Variants in SRP9 observed in about 807,000 individuals in gnomAD.
SRP9 encodes signal recognition particle 9 kDa protein.
SRP9 carries 2 observed loss-of-function variants against 11.7 expected under a neutral mutation model. That is an observed-to-expected ratio of 0.17 (90% CI 0.07 to 0.54). The LOEUF (loss-of-function observed/expected upper bound fraction) is 0.54, where lower values mean the gene tolerates loss of function less well. Ranked by LOEUF, SRP9 falls within the 20% of genes least tolerant of loss-of-function variation. The pLI is 0.94. For synonymous variants in SRP9, 27 were observed against 35.6 expected (o/e 0.76, Z 0.86); for missense variants, 54 against 108.1 (o/e 0.50, Z 2.22).
intron 1 of SRP9, 119 bp from the exon 2 acceptor site, chr1:225,783,181 C>T: frequency 1.5e-6 from 1 of 662,624 alleles, no homozygotes; most frequent in Non-Finnish European, 2.5e-6. Flanking sequence ...GTAAAAATGC[C>T]TTTAGATGTT....
chr1:225,787,099 C>T (rs1665933293), intron 2 of SRP9: 1 of 279,530 alleles, frequency 3.6e-6, no homozygotes, highest in African/African-American at 2.3e-5. Flanking sequence ...CTGCCTTAGC[C>T]TCCCAAACCA....
intron 2 of SRP9, among the ~76,000 whole-genome samples, chr1:225,788,566 C>T (rs1328679351): frequency 6.6e-6 from 1 of 152,066 alleles, no homozygotes; most frequent in African/African-American, 2.4e-5. Flanking sequence ...CAGGCACACG[C>T]CACCACGCCC....
At chr1:225,781,421 C>G (rs1358189642) in intron 1 of SRP9, among the ~76,000 whole-genome samples, 1 of 60,330 alleles carries the variant, frequency 1.7e-5, no homozygotes, top group Non-Finnish European at 3.1e-5. Flanking sequence ...TTTTTTGAGA[C>G]AGAGTTTTGC....
intron 2 of SRP9, 130 bp from the exon 3 acceptor site, chr1:225,789,110 A>G: frequency 6.4e-7 from 1 of 1,551,452 alleles, no homozygotes; most frequent in South Asian, 1.2e-5. Context: ...TTTCCCTAGT[A>G]CGACCTCCAA....
Position 225,777,842 on chromosome 1 carries a change from T to C in SRP9, c.-99T>C, listed in dbSNP as rs1270494826. The C allele has an allele frequency of 3.3e-6, 4 of 1,212,648 alleles. No individual in the cohort carries two copies. Among genetic ancestry groups the C allele is most frequent in the Admixed American group, 1.9e-5 (1 of 51,472 alleles). 75.1% of individuals were successfully genotyped at this position (1,212,648 alleles called of 1,614,324 possible). A position where few individuals can be genotyped will look rare whatever the true frequency, so the allele number is the denominator to read the frequency against. ...CGAGGAGGCGCCGCCATCTTGGGGC[T>C]GCTGGGACTCGCGTCGGTTGGCGAC... On this transcript the variant is annotated 5_prime_UTR_variant, in exon 1 of 3. Coordinates refer to ENST00000304786, the MANE Select transcript of SRP9 (RefSeq NM_003133.6).
chr1:225,787,110 C>T (rs1480495611), intron 2 of SRP9: 1 of 276,166 alleles, frequency 3.6e-6, no homozygotes, highest in African/African-American at 2.3e-5. Flanking sequence ...TCCCAAACCA[C>T]TGGGATTATG....
In SRP9 at chr1:225,783,516, G is replaced by C. The variant is rs117901108; in HGVS notation, c.141+148G>C. 405 of 639,960 alleles carry C rather than the reference G, an allele frequency of 6.3e-4. 4 individuals are homozygous for C. The East Asian group carries it at 0.011, about 17-fold the overall frequency. The allele number at this position is 639,960 out of a possible 1,614,324, so 39.6% of individuals were successfully genotyped here. Reference sequence around the variant, plus strand: ...AAAGATGAAGAACCTCATTCTAGCAGCTACTTTTATAGACCCTCAGGAAAT... The same window carrying C: ...AAAGATGAAGAACCTCATTCTAGCACCTACTTTTATAGACCCTCAGGAAAT... On this transcript the variant is annotated intron_variant, in intron 2 of 2. Transcript: ENST00000304786.
At chr1:225,786,911 T>A (rs2102651580) in intron 2 of SRP9, 1 of 931,906 alleles carries the variant, frequency 1.1e-6, no homozygotes, top group Admixed American at 2.5e-5. Flanking sequence ...GGCATGATCA[T>A]AGCTCACTGC....
chr1:225,779,022 T>C (rs1457108713), intron 1 of SRP9, among the ~76,000 whole-genome samples: 1 of 152,148 alleles, frequency 6.6e-6, no homozygotes, highest in Admixed American at 6.5e-5. Context: ...CTTAAGGAGC[T>C]GGTATTATTG....
At chr1:225,789,074 C>T in intron 2 of SRP9, 166 bp from the exon 3 acceptor site, 1 of 1,551,132 alleles carries the variant, frequency 6.4e-7, no homozygotes. Context: ...CATGGAATTG[C>T]TGGAGGCTTG....
At chr1:225,786,075 C>G (rs12568108) in intron 2 of SRP9, among the ~76,000 whole-genome samples, 1 of 152,172 alleles carries the variant, frequency 6.6e-6, no homozygotes, top group Non-Finnish European at 1.5e-5. Context: ...TAATCTCTGT[C>G]ATTTCTGTAT....
At chr1:225,779,671 T>C (rs1237441395) in intron 1 of SRP9, among the ~76,000 whole-genome samples, 2 of 152,202 alleles carry the variant, frequency 1.3e-5, no homozygotes, top group African/African-American at 4.8e-5. Flanking sequence ...CATACTTCTA[T>C]TTTTTACAAT....
rs1000793867 is a variant in SRP9 at position 225,781,498 on chromosome 1, C to A, written c.73-1802C>A. On this transcript the variant is annotated intron_variant, in intron 1 of 2. Transcript: ENST00000304786. ...CACTGCAACCTCCGCCTCCCGAGTTCAAGCGATTCTCCTGCCTCAGCCTCC... is the reference window on the plus strand; with the variant it reads ...CACTGCAACCTCCGCCTCCCGAGTTAAAGCGATTCTCCTGCCTCAGCCTCC... 2.1e-5 allele frequency among the ~76,000 whole-genome samples: 3 copies of A among 144,408 alleles called. No individual in the cohort carries two copies. In the Admixed American group the frequency reaches 2.2e-4, roughly 10 times the overall value. The allele number at this position is 144,408 out of a possible 152,430, so 94.7% of individuals were successfully genotyped here.
At chr1:225,779,252 C>G (rs971351358) in intron 1 of SRP9, among the ~76,000 whole-genome samples, 1 of 151,644 alleles carries the variant, frequency 6.6e-6, no homozygotes, top group African/African-American at 2.4e-5. Flanking sequence ...TCAAACGGTT[C>G]TCCTGCCTCA....
At position 225,789,314 on chromosome 1, in the gene SRP9, T is replaced by C. The variant is rs1228440656; in HGVS notation, c.216T>C (p.Leu72=). The C allele has an allele frequency of 2.8e-5, 45 of 1,607,254 alleles. No individual in the cohort carries two copies. The highest frequency in any genetic ancestry group is 3.7e-5 in the Non-Finnish European group (44 of 1,177,708). ...IEKFHSQLMR[L]MVAKEARNVT... ...AATTCCACAGTCAACTAATGCGACT[T>C]ATGGTAGCCAAGGAAGCCCGCAATG... Residue 72 remains leucine (L), a synonymous_variant, in exon 3 of 3, where the codon CTT becomes CTC. Coordinates refer to ENST00000304786, the MANE Select transcript of SRP9 (RefSeq NM_003133.6).
intron 1 of SRP9, among the ~76,000 whole-genome samples, chr1:225,778,942 T>G (rs915844633): frequency 6.6e-6 from 1 of 152,230 alleles, no homozygotes; most frequent in Non-Finnish European, 1.5e-5. Flanking sequence ...TTTCCCACTC[T>G]CGTGTTACTG....
intron 1 of SRP9, among the ~76,000 whole-genome samples, chr1:225,778,351 G>C (rs934515904): frequency 6.6e-6 from 1 of 152,202 alleles, no homozygotes; most frequent in African/African-American, 2.4e-5. Context: ...CTTTGTCTTG[G>C]TTCACTTTTC....
intron 2 of SRP9, among the ~76,000 whole-genome samples, chr1:225,788,582 A>G (rs1033939555): frequency 9.9e-5 from 15 of 151,982 alleles, no homozygotes; most frequent in African/African-American, 3.6e-4. Flanking sequence ...CGCCCAGCTA[A>G]TTTTTGTATT....
rs1665998453 is a variant in SRP9, at chr1:225,790,118, T to C, written c.*759T>C. ...AAATATTTACTACATATTTTCCATC[T>C]GTAGTTTCTCAGAAGGGCTATGGAT... is the stretch of plus-strand genomic sequence containing the variant. On this transcript the variant is annotated 3_prime_UTR_variant, in exon 3 of 3. Coordinates refer to ENST00000304786, the MANE Select transcript of SRP9 (RefSeq NM_003133.6). 6.6e-6 allele frequency: 1 copy of C among 152,236 alleles called. No homozygotes were observed. The highest frequency in any genetic ancestry group is 1.9e-4 in the East Asian group (1 of 5,206). 9.4% of individuals were successfully genotyped at this position (152,236 alleles called of 1,614,324 possible).
Sources: allele counts gnomAD v4.1 joint callset (sites outside exome capture counted in the v4.1 genomes callset), GRCh38; gene constraint gnomAD v4.1.1; transcripts MANE v1.5; gene names NCBI Gene and HGNC (gene_info 2026-07-23, HGNC 2026-07-21).